The following SATB1 variants were observed in gnomAD, a reference collection of about 807,000 sequenced individuals.
SATB1 encodes the protein DNA-binding protein SATB1.
In SATB1, 11 loss-of-function variants were observed where a neutral mutation model predicts 86.9. The ratio of observed to expected loss-of-function variants is 0.13; its 90% CI spans 0.08 to 0.21. The LOEUF (loss-of-function observed/expected upper bound fraction) is 0.21. Among genes scored for constraint, SATB1 ranks in the 10% least tolerant of loss-of-function variants. The pLI is 1.00. For synonymous variants in SATB1, 357 were observed against 357.2 expected, an observed-to-expected ratio of 1.00 and a Z score of 0.01; for missense variants, 551 against 937.6, an observed-to-expected ratio of 0.59 and a Z score of 5.39.
chr3:18,379,282 T>C (rs1252340206), intron 8 of SATB1, among the ~76,000 whole-genome samples: 1 of 152,226 alleles, frequency 6.6e-6, no homozygotes, highest in Non-Finnish European at 1.5e-5. Context: ...TATTACACAG[T>C]AGTATGAACT....
At chr3:18,382,468 T>C (rs181407064) in intron 8 of SATB1, among the ~76,000 whole-genome samples, 17 of 152,294 alleles carry the variant, frequency 1.1e-4, no homozygotes, top group African/African-American at 3.6e-4. Flanking sequence ...GTAGAAATCA[T>C]CACTTAAAAT....
intron 5 of SATB1, chr3:18,411,097 T>C (rs1697809567): frequency 2.6e-6 from 1 of 384,562 alleles, no homozygotes; most frequent in Non-Finnish European, 4.6e-6. Context: ...TTCTCAATAT[T>C]ACTTCTAAAT....
rs1310797934 is a variant in SATB1, at chr3:18,345,625, A to G, written c.*3545T>C. The G allele has an allele frequency of 6.6e-6, 1 of 152,124 alleles. No homozygotes were observed. Among genetic ancestry groups the G allele is most frequent in the Non-Finnish European group, 1.5e-5 (1 of 67,958 alleles). The allele number at this position is 152,124 out of a possible 1,614,324, so 9.4% of individuals were successfully genotyped here. A position where few individuals can be genotyped will look rare whatever the true frequency, so the allele number is the denominator to read the frequency against. On this transcript the variant is annotated 3_prime_UTR_variant, in exon 11 of 11. Coordinates refer to ENST00000338745, the MANE Select transcript of SATB1 (RefSeq NM_002971.6). ...TAAGCCCTCTTAAAAAGTCAAAAAT[A>G]TGCATAAAGAAGACTAGTATTGATA...
At chr3:18,360,144 C>T (rs920718272) in intron 9 of SATB1, among the ~76,000 whole-genome samples, 2 of 152,034 alleles carry the variant, frequency 1.3e-5, no homozygotes, top group Admixed American at 1.3e-4. Flanking sequence ...GATGTGATTC[C>T]TACAAAAAAG....
intron 9 of SATB1, among the ~76,000 whole-genome samples, chr3:18,364,135 T>C (rs939566028): frequency 6.6e-6 from 1 of 152,136 alleles, no homozygotes; most frequent in Non-Finnish European, 1.5e-5. Context: ...ACATATATAT[T>C]TTTTTCCTCT....
In SATB1 at chr3:18,397,775, A is replaced by G. The variant is rs79836893; in HGVS notation, c.640-485T>C. On this transcript the variant is annotated intron_variant, in intron 5 of 10. Coordinates refer to ENST00000338745, the MANE Select transcript of SATB1 (RefSeq NM_002971.6). ...AGAATCTTGGGCCCTACCCCAGACCAGTGCACTTAGCAGCTGAATTTTACC... is the reference window on the plus strand; with the variant it reads ...AGAATCTTGGGCCCTACCCCAGACCGGTGCACTTAGCAGCTGAATTTTACC... Among the ~76,000 whole-genome samples, 971 of 152,330 alleles carry G rather than the reference A, an allele frequency of 6.4e-3. 25 individuals are homozygous for G. The East Asian group carries it at 0.066, about 10-fold the overall frequency.
intron 7 of SATB1, among the ~76,000 whole-genome samples, chr3:18,390,163 G>A (rs543945141): frequency 3.9e-5 from 6 of 152,096 alleles, no homozygotes; most frequent in South Asian, 2.1e-4. Flanking sequence ...GCAGATAAGC[G>A]AAAGAGACTG....
chr3:18,369,346 A>C (rs75368201), intron 9 of SATB1, among the ~76,000 whole-genome samples: 3,922 of 152,150 alleles, frequency 0.026, 166 homozygotes, highest in African/African-American at 0.088. Context: ...CAGAAAAAAA[A>C]TGAAAAGCCC....
At chr3:18,350,893 A>G in intron 10 of SATB1, 1 of 243,072 alleles carries the variant, frequency 4.1e-6, no homozygotes. Context: ...ACAGAAATAC[A>G]AAAAAATTGC....
intron 9 of SATB1, among the ~76,000 whole-genome samples, chr3:18,364,715 G>A (rs868042339): frequency 7.9e-5 from 12 of 151,354 alleles, no homozygotes; most frequent in Non-Finnish European, 1.5e-4. Context: ...ATATATGTAT[G>A]TATGTATATA....
rs940228852 is a variant in SATB1, at chr3:18,424,171, C to T, written c.-569G>A. 6.6e-6 allele frequency: 1 copy of T among 152,104 alleles called. No homozygotes were observed. Among genetic ancestry groups the T allele is most frequent in the Non-Finnish European group, 1.5e-5 (1 of 68,092 alleles). 9.4% of individuals were successfully genotyped at this position (152,104 alleles called of 1,614,324 possible). A position where few individuals can be genotyped will look rare whatever the true frequency, so the allele number is the denominator to read the frequency against. On this transcript the variant is annotated 5_prime_UTR_variant, in exon 1 of 11. Transcript: ENST00000338745. ...AAGGTCTCCAAAAAGGAAAAAAGGT[C>T]TCTTCGCGTCTCTCCCTCCCTCCTG... is the stretch of plus-strand genomic sequence containing the variant.
intron 9 of SATB1, among the ~76,000 whole-genome samples, chr3:18,367,611 GC>G (rs1695250158): frequency 6.6e-6 from 1 of 152,096 alleles, no homozygotes; most frequent in Non-Finnish European, 1.5e-5. Flanking sequence ...TCTTTGAAAC[GC>G]AGGATTCTTG....
chr3:18,416,828 T>C, intron 3 of SATB1, 74 bp downstream of exon 3: 1 of 1,367,728 alleles, frequency 7.3e-7, no homozygotes, highest in Non-Finnish European at 1.0e-6. Context: ...TGAATAAAAA[T>C]ATTCAGTGCT....
chr3:18,421,462 G>T (rs9817154), intron 1 of SATB1: 4,468 of 153,154 alleles, frequency 0.029, 231 homozygotes, highest in African/African-American at 0.1. Context: ...CATTTTATAT[G>T]TGTATGTATA....
intron 8 of SATB1, among the ~76,000 whole-genome samples, chr3:18,384,131 C>T (rs1322026860): frequency 1.3e-5 from 2 of 152,140 alleles, no homozygotes; most frequent in Non-Finnish European, 2.9e-5. Flanking sequence ...GTCTCAGCTC[C>T]TCTTCAGAAC....
upstream of SATB1, among the ~76,000 whole-genome samples, chr3:18,427,806 A>T (rs76869873): frequency 5.4e-3 from 829 of 152,346 alleles, 8 homozygotes; most frequent in African/African-American, 0.019. Flanking sequence ...AAAGGCATCT[A>T]AGAATGACTA....
chr3:18,389,401 T>C (rs1363149187), intron 7 of SATB1, among the ~76,000 whole-genome samples: 1 of 151,966 alleles, frequency 6.6e-6, no homozygotes, highest in Non-Finnish European at 1.5e-5. Flanking sequence ...TAATTTTGGA[T>C]GCAAAATGAC....
chr3:18,372,852 T>C (rs1161363023), intron 9 of SATB1, among the ~76,000 whole-genome samples: 1 of 152,198 alleles, frequency 6.6e-6, no homozygotes, highest in Non-Finnish European at 1.5e-5. Flanking sequence ...GAGATTGTTA[T>C]AAATGGCCAC....
At chr3:18,406,368 T>C (rs1697532765) in intron 5 of SATB1, among the ~76,000 whole-genome samples, 1 of 152,090 alleles carries the variant, frequency 6.6e-6, no homozygotes, top group Non-Finnish European at 1.5e-5. Flanking sequence ...TATCTTTGTC[T>C]ATAAATTATC....
Sources: allele counts gnomAD v4.1 joint callset (sites outside exome capture counted in the v4.1 genomes callset), GRCh38; gene constraint gnomAD v4.1.1; transcripts MANE v1.5; gene names NCBI Gene and HGNC (gene_info 2026-07-23, HGNC 2026-07-21).